The following DPYD variants were observed in gnomAD, a reference collection of about 807,000 sequenced individuals.
DPYD encodes dihydropyrimidine dehydrogenase, also known as dihydropyrimidine dehydrogenase [NADP(+)].
In DPYD, 109 loss-of-function variants were observed where a neutral mutation model predicts 116.2. The observed-to-expected ratio is 0.94, with a 90% CI of 0.80 to 1.10. The LOEUF is 1.10. Among genes scored for constraint, DPYD ranks in the 50% least tolerant of loss-of-function variants. DPYD has a pLI of 0.00. For missense variants in DPYD, 1,302 were observed against 1,254.5 expected (o/e 1.04, Z -0.57); for synonymous variants, 440 against 432.0 (o/e 1.02, Z -0.23).
intron 14 of DPYD, among the ~76,000 whole-genome samples, chr1:97,422,698 A>C (rs1357086573): frequency 6.6e-6 from 1 of 152,146 alleles, no homozygotes; most frequent in Non-Finnish European, 1.5e-5. Context: ...GAATTGGACT[A>C]GATTCTGAGA....
chr1:97,555,302 A>G (rs982028356), intron 11 of DPYD, among the ~76,000 whole-genome samples: 1 of 152,072 alleles, frequency 6.6e-6, no homozygotes, highest in African/African-American at 2.4e-5. Flanking sequence ...TTTCTCTGTC[A>G]GAAATCATAG....
At chr1:97,918,861 G>T (rs1231838664) in intron 1 of DPYD, among the ~76,000 whole-genome samples, 1 of 152,018 alleles carries the variant, frequency 6.6e-6, no homozygotes, top group East Asian at 1.9e-4. Context: ...AATATTACTT[G>T]CTTATCCATG....
At chr1:97,183,343 C>T (rs1029854894) in intron 20 of DPYD, among the ~76,000 whole-genome samples, 1 of 152,024 alleles carries the variant, frequency 6.6e-6, no homozygotes, top group Non-Finnish European at 1.5e-5. Context: ...AATTCCAGTA[C>T]TATTTGTTGA....
chr1:97,916,347 A>G (rs1674211377), intron 1 of DPYD, among the ~76,000 whole-genome samples: 1 of 152,046 alleles, frequency 6.6e-6, no homozygotes, highest in Admixed American at 6.6e-5. Flanking sequence ...ACCCCACAAC[A>G]GGCCCCGGTG....
intron 3 of DPYD, among the ~76,000 whole-genome samples, chr1:97,809,584 A>C (rs566008349): frequency 6.6e-6 from 1 of 152,344 alleles, no homozygotes; most frequent in South Asian, 2.1e-4. Context: ...AGAAGAGTCA[A>C]GGACTACCTA....
At chr1:97,592,911 C>T (rs1280848851) in intron 10 of DPYD, among the ~76,000 whole-genome samples, 1 of 152,122 alleles carries the variant, frequency 6.6e-6, no homozygotes, top group Non-Finnish European at 1.5e-5. Context: ...ACCTACTATT[C>T]AGGATATGGA....
chr1:97,808,709 C>G (rs1668202229), intron 3 of DPYD, among the ~76,000 whole-genome samples: 1 of 151,668 alleles, frequency 6.6e-6, no homozygotes, highest in South Asian at 2.1e-4. Context: ...CCAATCTTAC[C>G]AGGTCTTAAA....
chr1:97,468,060 C>G (rs1311155739), intron 13 of DPYD, among the ~76,000 whole-genome samples: 2 of 152,134 alleles, frequency 1.3e-5, no homozygotes, highest in Non-Finnish European at 2.9e-5. Context: ...TCTGTCACAA[C>G]TATTCAGCTC....
intron 16 of DPYD, among the ~76,000 whole-genome samples, chr1:97,338,095 T>C (rs1301720966): frequency 6.6e-6 from 1 of 152,180 alleles, no homozygotes; most frequent in Non-Finnish European, 1.5e-5. Context: ...GTTTTATACA[T>C]GAAGTATCAA....
intron 8 of DPYD, among the ~76,000 whole-genome samples, chr1:97,623,655 A>G (rs1356313593): frequency 6.6e-6 from 1 of 152,060 alleles, no homozygotes; most frequent in Non-Finnish European, 1.5e-5. Context: ...AACCATTGAA[A>G]AACCCTGAAT....
At chr1:97,409,759 C>A (rs1411741389) in intron 14 of DPYD, among the ~76,000 whole-genome samples, 1 of 152,120 alleles carries the variant, frequency 6.6e-6, no homozygotes, top group Non-Finnish European at 1.5e-5. Flanking sequence ...TCCACATCTT[C>A]TTTAAGCCTC....
At chr1:97,545,939 T>A (rs1396511983) in intron 12 of DPYD, 13 of 1,127,738 alleles carry the variant, frequency 1.2e-5, no homozygotes, top group Non-Finnish European at 1.8e-5. Flanking sequence ...AATCAGATTG[T>A]CATACTCTAC....
chr1:97,255,811 G>A (rs553703323), intron 18 of DPYD, among the ~76,000 whole-genome samples: 2 of 151,590 alleles, frequency 1.3e-5, no homozygotes, highest in South Asian at 4.2e-4. Context: ...AGCAGTTAGC[G>A]CCAGAGTCCA....
intron 3 of DPYD, among the ~76,000 whole-genome samples, chr1:97,752,612 C>A (rs1664994790): frequency 6.6e-6 from 1 of 152,160 alleles, no homozygotes. Flanking sequence ...GCTCATAGTT[C>A]CATGTGTAGG....
chr1:97,784,947 G>A (rs1018419262), intron 3 of DPYD, among the ~76,000 whole-genome samples: 10 of 152,150 alleles, frequency 6.6e-5, no homozygotes. Context: ...TTTGTGTGAG[G>A]ATATAATGTG....
At chr1:97,783,534 A>T (rs1571350257) in intron 3 of DPYD, among the ~76,000 whole-genome samples, 1 of 151,852 alleles carries the variant, frequency 6.6e-6, no homozygotes, top group African/African-American at 2.4e-5. Flanking sequence ...AGCTGGGATT[A>T]CAGGCATCCA....
At chr1:97,440,852 G>A (rs1675748333) in intron 14 of DPYD, among the ~76,000 whole-genome samples, 1 of 152,190 alleles carries the variant, frequency 6.6e-6, no homozygotes, top group East Asian at 1.9e-4. Context: ...TATTCCATCT[G>A]CCTAAAACAG....
intron 5 of DPYD, among the ~76,000 whole-genome samples, chr1:97,711,956 A>T (rs891289714): frequency 4.6e-5 from 7 of 152,022 alleles, no homozygotes; most frequent in Non-Finnish European, 1.0e-4. Flanking sequence ...AACTCTTAGT[A>T]GATGCAGATG....
At chr1:97,662,129 T>C (rs1659301472) in intron 8 of DPYD, among the ~76,000 whole-genome samples, 1 of 151,106 alleles carries the variant, frequency 6.6e-6, no homozygotes, top group Non-Finnish European at 1.5e-5. Context: ...ATCTCCCTAG[T>C]AGCTGGGACT....
Sources: allele counts gnomAD v4.1 joint callset (sites outside exome capture counted in the v4.1 genomes callset), GRCh38; gene constraint gnomAD v4.1.1; transcripts MANE v1.5; gene names NCBI Gene and HGNC (gene_info 2026-07-23, HGNC 2026-07-21).